PGM5: variants seen among roughly 807,000 people sequenced by gnomAD.
PGM5 encodes phosphoglucomutase-like protein 5.
PGM5 carries 23 observed loss-of-function variants against 59.2 expected under a neutral mutation model. The ratio of observed to expected loss-of-function variants is 0.39; its 90% confidence interval spans 0.28 to 0.55. PGM5 has a LOEUF of 0.55. Ranked by LOEUF, PGM5 falls within the 20% of genes least tolerant of loss-of-function variation. PGM5 has a pLI of 0.66. For synonymous variants in PGM5, 214 were observed against 286.0 expected (o/e 0.75, Z 2.54); for missense variants, 574 against 748.3 (o/e 0.77, Z 2.72).
At chr9:68,378,078 A>C (rs1554677972) in intron 1 of PGM5, 121 bp from the exon 2 acceptor site, 1 of 931,424 alleles carries the variant, frequency 1.1e-6, no homozygotes, top group African/African-American at 1.8e-5. Context: ...CCTAATCTAA[A>C]GCCTACTCTG....
chr9:68,472,715 G>A (rs1398278119), intron 7 of PGM5, among the ~76,000 whole-genome samples: 4 of 152,194 alleles, frequency 2.6e-5, no homozygotes, highest in African/African-American at 7.2e-5. Flanking sequence ...GGTAGAGTGC[G>A]AGTAATTTCA....
At chr9:68,466,987 G>A (rs537273853) in intron 7 of PGM5, among the ~76,000 whole-genome samples, 13 of 152,216 alleles carry the variant, frequency 8.5e-5, no homozygotes, top group African/African-American at 3.1e-4. Context: ...ATCTCTTTCT[G>A]GACCTGGGGA....
At chr9:68,458,956 C>T (rs1410727839) in intron 6 of PGM5, among the ~76,000 whole-genome samples, 1 of 152,148 alleles carries the variant, frequency 6.6e-6, no homozygotes, top group Non-Finnish European at 1.5e-5. Context: ...TTTTACCATA[C>T]AGCAGCCCCA....
intron 10 of PGM5, among the ~76,000 whole-genome samples, chr9:68,516,480 C>T (rs909633555): frequency 6.6e-6 from 1 of 152,194 alleles, no homozygotes; most frequent in African/African-American, 2.4e-5. Flanking sequence ...CTGGTTACCT[C>T]AAGTAGGCTG....
At chr9:68,413,715 T>C (rs1347105757) in intron 6 of PGM5, among the ~76,000 whole-genome samples, 20 of 152,236 alleles carry the variant, frequency 1.3e-4, no homozygotes, top group Non-Finnish European at 2.6e-4. Context: ...TTCATGCCAC[T>C]GAGCTTAGGT....
In PGM5 at chr9:68,356,733, G is replaced by A. The variant is rs1470066535; in HGVS notation, c.-395G>A. On this transcript the variant is annotated 5_prime_UTR_variant, in exon 1 of 11. Coordinates refer to ENST00000396396, the MANE Select transcript of PGM5 (RefSeq NM_021965.4). ...TGTGCCCCGGAGGGCGGCGATCGCG[G>A]GTGAAGGCTGGGGCCAGGCGCGGGT... is the stretch of plus-strand genomic sequence containing the variant. Among the ~76,000 whole-genome samples, 8 of 152,226 alleles carry A rather than the reference G, an allele frequency of 5.3e-5. No individual in the cohort carries two copies. The highest frequency in any genetic ancestry group is 1.2e-4 in the Non-Finnish European group (8 of 68,032).
intron 6 of PGM5, among the ~76,000 whole-genome samples, chr9:68,426,525 A>T (rs1320945829): frequency 6.6e-6 from 1 of 152,050 alleles, no homozygotes; most frequent in Non-Finnish European, 1.5e-5. Context: ...ATTGATGGAC[A>T]TTTAAATGGT....
rs1554685802 is a variant in PGM5, at chr9:68,466,271, T to TGTGTG, written c.1159+1063_1159+1064insGTGTG. The TGTGTG allele has an allele frequency of 8.3e-3, 2,880 of 348,630 alleles. 10 individuals carry two copies. Among genetic ancestry groups the TGTGTG allele is most frequent in the Middle Eastern group, 0.015 (16 of 1,080 alleles). 21.6% of individuals were successfully genotyped at this position (348,630 alleles called of 1,614,324 possible). The stretch of plus-strand genomic sequence containing the variant: ...AATTCTTCTTCTCCGATACTGTGTG[T>TGTGTG]TTTTTTTTTTTTTTTAGCATTTCTC... On this transcript the variant is annotated intron_variant, in intron 7 of 10. Transcript: ENST00000396396.
chr9:68,376,829 C>G (rs557798676), intron 1 of PGM5, among the ~76,000 whole-genome samples: 21 of 95,730 alleles, frequency 2.2e-4, no homozygotes, highest in African/African-American at 7.8e-4. Context: ...TTCTTTCTTT[C>G]TTTCTCTTTC....
At chr9:68,363,227 G>A (rs1834615242) in intron 1 of PGM5, among the ~76,000 whole-genome samples, 1 of 152,266 alleles carries the variant, frequency 6.6e-6, no homozygotes, top group African/African-American at 2.4e-5. Flanking sequence ...TAATAGCACT[G>A]TTCAATAGAA....
intron 10 of PGM5, among the ~76,000 whole-genome samples, chr9:68,511,133 T>C (rs1038921131): frequency 1.3e-5 from 2 of 152,204 alleles, no homozygotes; most frequent in Non-Finnish European, 2.9e-5. Context: ...GAAGGCCGAT[T>C]TCCCCCACAA....
Position 68,417,136 on chromosome 9 carries a change from C to T in PGM5, c.1043+24663C>T, listed in dbSNP as rs142247977. 4.6e-5 allele frequency among the ~76,000 whole-genome samples: 7 copies of T among 152,306 alleles called. No individual in the cohort carries two copies. In the East Asian group the frequency reaches 1.4e-3, roughly 29 times the overall value. ...AAACACTCTCTGAATCGGATACGGG[C>T]CTACTGGTATCTTTAGGACCATCTG... On this transcript the variant is annotated intron_variant, in intron 6 of 10. Transcript: ENST00000396396.
At chr9:68,461,681 C>T (rs1823861404) in intron 6 of PGM5, among the ~76,000 whole-genome samples, 1 of 152,068 alleles carries the variant, frequency 6.6e-6, no homozygotes, top group African/African-American at 2.4e-5. Context: ...AAGGCCTTCA[C>T]CACACCAGAT....
chr9:68,506,663 T>A (rs1201626488), intron 10 of PGM5, among the ~76,000 whole-genome samples: 1 of 152,164 alleles, frequency 6.6e-6, no homozygotes, highest in Non-Finnish European at 1.5e-5. Context: ...GAGTGAGTAG[T>A]CAAAAACTTG....
intron 3 of PGM5, among the ~76,000 whole-genome samples, chr9:68,385,809 A>G (rs1207098222): frequency 6.6e-6 from 1 of 152,086 alleles, no homozygotes; most frequent in Non-Finnish European, 1.5e-5. Flanking sequence ...TGCTGCAGCC[A>G]CATTGCTAGT....
intron 6 of PGM5, among the ~76,000 whole-genome samples, chr9:68,460,269 A>G (rs1823838893): frequency 6.6e-6 from 1 of 152,178 alleles, no homozygotes; most frequent in Non-Finnish European, 1.5e-5. Context: ...GCTTTGGGTT[A>G]ATAAATATTT....
In PGM5 at chr9:68,479,599, T is replaced by C. The variant is rs782225040; in HGVS notation, c.1295+46T>C. 33 of 1,585,948 alleles carry C rather than the reference T, an allele frequency of 2.1e-5. 1 individual carries two copies. In the Middle Eastern group the frequency reaches 1.2e-3, roughly 57 times the overall value. On this transcript the variant is annotated intron_variant, in intron 8 of 10. Transcript: ENST00000396396. ...CTCTGTATGGACCCTGAAGAACTAC[T>C]CCTAGAACAGGTTTCTAAAACTGAT...
chr9:68,382,269 G>T (rs1208410526), intron 2 of PGM5, among the ~76,000 whole-genome samples: 2 of 151,286 alleles, frequency 1.3e-5, no homozygotes, highest in East Asian at 3.9e-4. Context: ...ACATAATGGA[G>T]AAAGAAAAAA....
intron 9 of PGM5, among the ~76,000 whole-genome samples, chr9:68,486,096 T>A (rs1824290460): frequency 6.6e-6 from 1 of 152,206 alleles, no homozygotes; most frequent in Non-Finnish European, 1.5e-5. Flanking sequence ...ATAAGCATAC[T>A]TTTCAAACTA....
Sources: gnomAD v4.1 joint callset for allele counts (sites outside exome capture counted in the v4.1 genomes callset) on GRCh38, gnomAD v4.1.1 for gene constraint, MANE v1.5 for transcripts, NCBI Gene and HGNC (gene_info 2026-07-23, HGNC 2026-07-21) for gene names.